Variants in XXYLT1 observed in about 807,000 individuals in gnomAD.
XXYLT1 encodes the protein UDP-xylose:alpha-xyloside alpha-1,3-xylosyltransferase.
In XXYLT1, 20 loss-of-function variants were observed where a neutral mutation model predicts 28.9. The ratio of observed to expected loss-of-function variants is 0.69; its 90% CI spans 0.49 to 1.00. The LOEUF (loss-of-function observed/expected upper bound fraction) is 1.00. XXYLT1 is among the 50% of genes least tolerant of loss of function. The pLI is 0.00. For missense variants in XXYLT1, 542 were observed against 560.1 expected, an observed-to-expected ratio of 0.97 and a Z score of 0.33; for synonymous variants, 257 against 253.8, an observed-to-expected ratio of 1.01 and a Z score of -0.12.
In XXYLT1 at chr3:195,069,832, C is replaced by A. The variant is rs1232026974; in HGVS notation, c.1065G>T (p.Gln355His). The A allele has an allele frequency of 6.2e-7, 1 of 1,614,084 alleles. No individual in the cohort carries two copies. The highest frequency in any genetic ancestry group is 8.5e-7 in the Non-Finnish European group (1 of 1,180,050). ...CATGGTCCCTCCACCAGGTGCACAG[C>A]TGCCGGTTCCAGGTACAGTCCAGCA... Reference protein sequence around the residue: ...FHVLDCTWNRQLCTWWRDHGY... With the variant: ...FHVLDCTWNRHLCTWWRDHGY... Residue 355 changes from glutamine to histidine, a missense_variant, in exon 4 of 4, where the codon CAG becomes CAT. Transcript: ENST00000310380.
Position 195,270,948 on chromosome 3 carries a change from G to A in XXYLT1, c.111C>T (p.Ala37=), listed in dbSNP as rs2108865148. 1 of 1,488,854 alleles carries A rather than the reference G, an allele frequency of 6.7e-7. No homozygotes were observed. The highest frequency in any genetic ancestry group is 1.5e-5 in the African/African-American group (1 of 68,442). The allele number at this position is 1,488,854 out of a possible 1,614,324, so 92.2% of individuals were successfully genotyped here. The change falls in exon 1 of 4, where the codon GCC becomes GCT. Residue 37 remains alanine, a synonymous_variant. Transcript: ENST00000310380. The part of the protein sequence containing the change: ...LLLAAALAVC[A]FYYLGSGRET... Reference sequence around the variant, plus strand: ...CCCGGCCTGAGCCGAGGTAGTAGAAGGCGCAGACGGCCAGCGCCGCGGCCA... The same window carrying A: ...CCCGGCCTGAGCCGAGGTAGTAGAAAGCGCAGACGGCCAGCGCCGCGGCCA...
chr3:195,253,025 G>A (rs1725334445), intron 1 of XXYLT1, among the ~76,000 whole-genome samples: 2 of 152,194 alleles, frequency 1.3e-5, no homozygotes, highest in African/African-American at 4.8e-5. Flanking sequence ...AATGAAGACG[G>A]TTTGTTGAAT....
intron 1 of XXYLT1, among the ~76,000 whole-genome samples, chr3:195,254,003 G>C (rs767930723): frequency 5.3e-5 from 8 of 152,184 alleles, no homozygotes; most frequent in Non-Finnish European, 1.0e-4. Context: ...GACAAGTCAC[G>C]GGGGTGCCCA....
chr3:195,138,310 C>T (rs115160556), intron 3 of XXYLT1, among the ~76,000 whole-genome samples: 1,786 of 152,262 alleles, frequency 0.012, 14 homozygotes, highest in Non-Finnish European at 0.019. Context: ...GAATGGTTTC[C>T]GTGCCAGGCC....
chr3:195,254,821 G>A (rs955118829), intron 1 of XXYLT1, among the ~76,000 whole-genome samples: 7 of 152,182 alleles, frequency 4.6e-5, no homozygotes, highest in Non-Finnish European at 7.3e-5. Context: ...ACTTAACGTC[G>A]CCCTCACACC....
At chr3:195,217,412 C>G (rs1723624602) in intron 2 of XXYLT1, among the ~76,000 whole-genome samples, 1 of 37,372 alleles carries the variant, frequency 2.7e-5, no homozygotes, top group African/African-American at 1.5e-4. Flanking sequence ...ATCTAGAAAA[C>G]CCCATTGTCT....
intron 2 of XXYLT1, among the ~76,000 whole-genome samples, chr3:195,157,521 C>T (rs554833903): frequency 3.8e-4 from 58 of 152,314 alleles, no homozygotes; most frequent in Non-Finnish European, 7.5e-4. Context: ...CTAAGAGCTG[C>T]TTCCATCACC....
In XXYLT1 at chr3:195,089,095, A is replaced by G. The variant is rs369159002; in HGVS notation, c.786-18984T>C. On this transcript the variant is annotated intron_variant, in intron 3 of 3. Coordinates refer to ENST00000310380, the MANE Select transcript of XXYLT1 (RefSeq NM_152531.5). ...GGGGAGAATGGAACCAAGTTGGAAAACACTCTGCAGGATATTATCCAGGAG... is the reference window on the plus strand; with the variant it reads ...GGGGAGAATGGAACCAAGTTGGAAAGCACTCTGCAGGATATTATCCAGGAG... 1.3e-4 allele frequency among the ~76,000 whole-genome samples: 19 copies of G among 150,682 alleles called. No individual in the cohort carries two copies. In the East Asian group the frequency reaches 1.4e-3, roughly 11 times the overall value.
In XXYLT1 at chr3:195,209,282, A is replaced by C. The variant is rs992989723; in HGVS notation, c.652+17427T>G. ...GACCTACGCCAGGTCCCCGGAGACA[A>C]GCCGCTCTCAAACTGTCTTGTCATC... On this transcript the variant is annotated intron_variant, in intron 2 of 3. Transcript: ENST00000310380. This position sits in a 1 kb window ranked among gnomAD's most constrained non-coding sequence, Gnocchi z 5.0. 2 of 152,474 alleles carry C rather than the reference A, an allele frequency of 1.3e-5. No individual in the cohort carries two copies. Among genetic ancestry groups the C allele is most frequent in the African/African-American group, 4.8e-5 (2 of 41,590 alleles). The allele number at this position is 152,474 out of a possible 1,614,324, so 9.4% of individuals were successfully genotyped here. A position where few individuals can be genotyped will look rare whatever the true frequency, so the allele number is the denominator to read the frequency against.
In XXYLT1 at chr3:195,108,339, A is replaced by C. The variant is rs868609426; in HGVS notation, c.786-38228T>G. 3.3e-5 allele frequency among the ~76,000 whole-genome samples: 5 copies of C among 152,372 alleles called. No homozygotes were observed. The Middle Eastern group carries it at 0.01, about 311-fold the overall frequency. Reference sequence around the variant, plus strand: ...AGCGGCGTAACTGGGAACTTTCTCAAGAGCCTTTGACTCTTATCAAACTGC... The same window carrying C: ...AGCGGCGTAACTGGGAACTTTCTCACGAGCCTTTGACTCTTATCAAACTGC... On this transcript the variant is annotated intron_variant, in intron 3 of 3. Coordinates refer to ENST00000310380, the MANE Select transcript of XXYLT1 (RefSeq NM_152531.5).
chr3:195,239,299 T>C (rs1724682008), intron 1 of XXYLT1, among the ~76,000 whole-genome samples: 1 of 152,112 alleles, frequency 6.6e-6, no homozygotes, highest in Non-Finnish European at 1.5e-5. Flanking sequence ...CTGGGGTCCT[T>C]TGCCCAGACC....
At chr3:195,177,772 A>T (rs1012671608) in intron 2 of XXYLT1, among the ~76,000 whole-genome samples, 2 of 151,970 alleles carry the variant, frequency 1.3e-5, no homozygotes, top group African/African-American at 4.8e-5. Context: ...CAAAAAAAAT[A>T]AAAAAATAAA....
intron 2 of XXYLT1, among the ~76,000 whole-genome samples, chr3:195,224,552 G>T (rs1723966872): frequency 6.6e-6 from 1 of 152,212 alleles, no homozygotes; most frequent in South Asian, 2.1e-4. Context: ...GGAGGCAGAA[G>T]AATTTTCTCT....
intron 3 of XXYLT1, among the ~76,000 whole-genome samples, chr3:195,144,155 A>G (rs974489039): frequency 6.7e-6 from 1 of 149,888 alleles, no homozygotes; most frequent in Non-Finnish European, 1.5e-5. Flanking sequence ...GGGCCTCCCA[A>G]AGTGCTAGGA....
chr3:195,138,568 G>A (rs1402976029), intron 3 of XXYLT1, among the ~76,000 whole-genome samples: 1 of 152,144 alleles, frequency 6.6e-6, no homozygotes, highest in African/African-American at 2.4e-5. Flanking sequence ...ATAGAAAAGT[G>A]GGCTGGAGGC....
In XXYLT1 at chr3:195,271,002, AGCG is replaced by A; in HGVS notation, c.54_56del (p.Ala19del). ...GCAGGGCGCAGTAGTGGGAGCGCAC[AGCG>A]CCCAGGCGCGCCATGGCCCGAGCGC... On this transcript the variant is annotated inframe_deletion, in exon 1 of 4. Transcript: ENST00000310380. 6.8e-7 allele frequency: 1 copy of A among 1,477,460 alleles called. No homozygotes were observed. The highest frequency in any genetic ancestry group is 3.0e-5 in the East Asian group (1 of 33,268). 91.5% of individuals were successfully genotyped at this position (1,477,460 alleles called of 1,614,324 possible).
chr3:195,076,148 T>C lies in XXYLT1; in HGVS notation c.786-6037A>G, dbSNP rs2676907. Among the ~76,000 whole-genome samples, 72,088 of 152,006 alleles carry C rather than the reference T, an allele frequency of 0.47. 20,524 individuals carry two copies. The highest frequency in any genetic ancestry group is 0.96 in the East Asian group (4,965 of 5,164). On this transcript the variant is annotated intron_variant, in intron 3 of 3. Coordinates refer to ENST00000310380, the MANE Select transcript of XXYLT1 (RefSeq NM_152531.5). The surrounding 1 kb of genome is among the most constrained non-coding windows in gnomAD (Gnocchi z 5.3). ...TGCAACTGCTGGCATCTCTGCACCA[T>C]CTGCACAGCCTGAGAGAACAGAGGT...
intron 2 of XXYLT1, among the ~76,000 whole-genome samples, chr3:195,174,303 A>G (rs1577108637): frequency 1.3e-5 from 2 of 151,660 alleles, no homozygotes; most frequent in East Asian, 3.9e-4. Context: ...ACAGCAGCCT[A>G]CTCTTTTTCT....
chr3:195,143,831 GATATAGATATAGATATATATATAGATAT>G (rs1560117087), intron 3 of XXYLT1, among the ~76,000 whole-genome samples: 7 of 65,706 alleles, frequency 1.1e-4, no homozygotes, highest in Admixed American at 3.3e-4. Context: ...GATATATATA[GATATAGATATAGATATATATATAGATAT>G]ATATAGATAT....
Sources: allele counts gnomAD v4.1 joint callset (sites outside exome capture counted in the v4.1 genomes callset), GRCh38; gene constraint gnomAD v4.1.1; non-coding constraint Gnocchi (gnomAD v3.1); transcripts MANE v1.5; gene names NCBI Gene and HGNC (gene_info 2026-07-23, HGNC 2026-07-21).